HIF1A: variants seen among roughly 807,000 people sequenced by gnomAD.
The protein encoded by HIF1A is hypoxia inducible factor 1 subunit alpha, also known as hypoxia-inducible factor 1-alpha.
A neutral mutation model predicts 92.7 loss-of-function variants in HIF1A; 24 were observed. That is an observed-to-expected ratio of 0.26 (90% CI 0.19 to 0.36). The LOEUF (loss-of-function observed/expected upper bound fraction) is 0.36, where lower values mean the gene tolerates loss of function less well. Among genes scored for constraint, HIF1A ranks in the 10% least tolerant of loss-of-function variants. The pLI, the probability that HIF1A is intolerant of heterozygous loss-of-function variation, is 1.00. For synonymous variants in HIF1A, 319 were observed against 338.7 expected, an observed-to-expected ratio of 0.94 and a Z score of 0.64; for missense variants, 799 against 998.5, an observed-to-expected ratio of 0.80 and a Z score of 2.69.
At chr14:61,741,756 C>G (rs4902081) in intron 12 of HIF1A, among the ~76,000 whole-genome samples, 91,624 of 152,058 alleles carry the variant, frequency 0.6, 32,817 homozygotes, top group Non-Finnish European at 0.77. Flanking sequence ...AAATCCAGCT[C>G]AGTACTGTAA....
At chr14:61,723,786 G>A (rs2044463067) in intron 4 of HIF1A, among the ~76,000 whole-genome samples, 2 of 152,186 alleles carry the variant, frequency 1.3e-5, no homozygotes, top group South Asian at 4.1e-4. Flanking sequence ...TTCTAAATCA[G>A]ATAGTCTTAA....
At chr14:61,709,768 A>C (rs932394444) in intron 1 of HIF1A, among the ~76,000 whole-genome samples, 2 of 152,218 alleles carry the variant, frequency 1.3e-5, no homozygotes, top group African/African-American at 4.8e-5. Flanking sequence ...TTAGGTTAGC[A>C]TGAGAAACTG....
At chr14:61,741,276 A>G in intron 12 of HIF1A, 88 bp downstream of exon 12, 2 of 919,090 alleles carry the variant, frequency 2.2e-6, no homozygotes, top group South Asian at 3.7e-5. Context: ...AACTTATAGC[A>G]AACTTTCTGA....
intron 14 of HIF1A, 97 bp from the exon 15 acceptor site, chr14:61,746,837 T>C: frequency 1.0e-6 from 1 of 977,262 alleles, no homozygotes; most frequent in Non-Finnish European, 1.5e-6. Flanking sequence ...TTCCAGAATT[T>C]TGCTTTATTT....
Position 61,711,511 on chromosome 14 carries a change from A to G in HIF1A, c.36-8871A>G, listed in dbSNP as rs991678955. ...TTAAACACTGAACCTCTTTTCAGCA[A>G]ATTGGCTTTCTAGTTTCTCAGCTCT... On this transcript the variant is annotated intron_variant, in intron 1 of 14. Transcript: ENST00000337138. Among the ~76,000 whole-genome samples the G allele has an allele frequency of 2.6e-5, 4 of 152,290 alleles. No individual in the cohort carries two copies. In the South Asian group the frequency reaches 8.3e-4, roughly 32 times the overall value.
At chr14:61,720,850 T>C (rs1297758904) in intron 2 of HIF1A, among the ~76,000 whole-genome samples, 1 of 152,238 alleles carries the variant, frequency 6.6e-6, no homozygotes, top group Admixed American at 6.5e-5. Context: ...TATAACATCC[T>C]TTTTATTACC....
At chr14:61,728,284 T>C (rs2044532789) in intron 6 of HIF1A, among the ~76,000 whole-genome samples, 1 of 152,162 alleles carries the variant, frequency 6.6e-6, no homozygotes, top group Non-Finnish European at 1.5e-5. Context: ...TTACCTTAGG[T>C]TGGGGACTAG....
At chr14:61,702,302 G>A (rs543816593) in intron 1 of HIF1A, among the ~76,000 whole-genome samples, 2 of 148,642 alleles carry the variant, frequency 1.3e-5, no homozygotes, top group African/African-American at 2.5e-5. Flanking sequence ...ATAGCAGGAT[G>A]TGGTGGCACA....
chr14:61,697,012 T>C (rs913048008), intron 1 of HIF1A, among the ~76,000 whole-genome samples: 6 of 152,234 alleles, frequency 3.9e-5, no homozygotes, highest in Non-Finnish European at 7.3e-5. Context: ...ATTTTAACTT[T>C]TAAGGAAATC....
chr14:61,726,389 T>C (rs1215413989), intron 4 of HIF1A: 1 of 177,042 alleles, frequency 5.6e-6, no homozygotes, highest in Non-Finnish European at 1.2e-5. Flanking sequence ...TGTGTACCGA[T>C]AGCACAGTTA....
intron 6 of HIF1A, among the ~76,000 whole-genome samples, chr14:61,731,644 G>A (rs559257665): frequency 6.6e-6 from 1 of 152,192 alleles, no homozygotes; most frequent in Non-Finnish European, 1.5e-5. Context: ...TCAAAGTGAG[G>A]TGTTGCCTAG....
intron 1 of HIF1A, among the ~76,000 whole-genome samples, chr14:61,709,398 G>A (rs2140125702): frequency 6.6e-6 from 1 of 152,196 alleles, no homozygotes; most frequent in East Asian, 1.9e-4. Context: ...ACATGTAAAT[G>A]AAAAATTTAC....
chr14:61,747,651 TTAAACCTGGAA>T lies in HIF1A; in HGVS notation c.*567_*577del, dbSNP rs1346981030. On this transcript the variant is annotated 3_prime_UTR_variant, in exon 15 of 15. Coordinates refer to ENST00000337138, the MANE Select transcript of HIF1A (RefSeq NM_001530.4). The stretch of plus-strand genomic sequence containing the variant: ...AAATTTTTTTTGGCCTATGAAATTG[TTAAACCTGGAA>T]CATGACATTGTTAATCATATAATAA... 1 of 152,620 alleles carries T rather than the reference TTAAACCTGGAA, an allele frequency of 6.6e-6. No individual in the cohort carries two copies. Among genetic ancestry groups the T allele is most frequent in the Non-Finnish European group, 1.5e-5 (1 of 68,002 alleles). 9.5% of individuals were successfully genotyped at this position (152,620 alleles called of 1,614,324 possible). A position where few individuals can be genotyped will look rare whatever the true frequency, so the allele number is the denominator to read the frequency against.
Position 61,737,711 on chromosome 14 carries a change from A to G in HIF1A, c.1250-376A>G, listed in dbSNP as rs567610606. On this transcript the variant is annotated intron_variant, in intron 9 of 14. Transcript: ENST00000337138. ...GAATTAGACAAACCTTTTGTGAAAAAGAACATAAATTTTTTATATGTGAAA... is the reference window on the plus strand; with the variant it reads ...GAATTAGACAAACCTTTTGTGAAAAGGAACATAAATTTTTTATATGTGAAA... Among the ~76,000 whole-genome samples, 5 of 152,220 alleles carry G rather than the reference A, an allele frequency of 3.3e-5. 1 individual carries two copies. Among genetic ancestry groups the G allele is most frequent in the Admixed American group, 3.3e-4 (5 of 15,270 alleles).
chr14:61,702,748 T>A (rs1376899084), intron 1 of HIF1A, among the ~76,000 whole-genome samples: 1 of 152,158 alleles, frequency 6.6e-6, no homozygotes, highest in Non-Finnish European at 1.5e-5. Flanking sequence ...GAGGAAAAAA[T>A]TTAAAAACTA....
intron 1 of HIF1A, among the ~76,000 whole-genome samples, chr14:61,700,311 CCT>C (rs1186558143): frequency 6.6e-6 from 1 of 152,092 alleles, no homozygotes; most frequent in Non-Finnish European, 1.5e-5. Context: ...CCAATTTCCC[CCT>C]CTCCTCAGCC....
At chr14:61,739,645 T>C (rs1295262054) in intron 10 of HIF1A, among the ~76,000 whole-genome samples, 1 of 152,208 alleles carries the variant, frequency 6.6e-6, no homozygotes, top group African/African-American at 2.4e-5. Flanking sequence ...ACAAAAACGT[T>C]AGAATGAGGA....
intron 12 of HIF1A, among the ~76,000 whole-genome samples, chr14:61,742,636 A>G (rs2044726209): frequency 6.6e-6 from 1 of 152,076 alleles, no homozygotes; most frequent in South Asian, 2.1e-4. Flanking sequence ...CTGTAATCTC[A>G]GCACTTTGGG....
At position 61,697,130 on chromosome 14, in the gene HIF1A, A is replaced by T. The variant is rs371922455; in HGVS notation, c.35+1291A>T. Among the ~76,000 whole-genome samples the T allele has an allele frequency of 4.6e-5, 7 of 152,344 alleles. No homozygotes were observed. In the East Asian group the frequency reaches 1.3e-3, roughly 29 times the overall value. ...GAGATTAATTTCCCTAATCAGTATC[A>T]GCAGAAGATAAACTTGTTTATATTC... On this transcript the variant is annotated intron_variant, in intron 1 of 14. Transcript: ENST00000337138.
Sources: allele counts gnomAD v4.1 joint callset (sites outside exome capture counted in the v4.1 genomes callset), GRCh38; gene constraint gnomAD v4.1.1; transcripts MANE v1.5; gene names NCBI Gene and HGNC (gene_info 2026-07-23, HGNC 2026-07-21).